BACH2: variants seen among roughly 807,000 people sequenced by gnomAD.
The protein encoded by BACH2 is BACH transcriptional regulator 2, also known as transcription regulator protein BACH2.
BACH2 carries 5 observed loss-of-function variants against 61.8 expected under a neutral mutation model. The observed-to-expected ratio is 0.08, with a 90% CI of 0.04 to 0.17. The LOEUF (loss-of-function observed/expected upper bound fraction) is 0.17, where lower values mean the gene tolerates loss of function less well. BACH2 is among the 10% of genes least tolerant of loss of function. The probability of loss-of-function intolerance (pLI) is 1.00; values close to 1 mark genes in which losing one functional copy is unlikely to be tolerated. For synonymous variants in BACH2, 446 were observed against 440.1 expected, an observed-to-expected ratio of 1.01 and a Z score of -0.17; for missense variants, 824 against 1,091.1, an observed-to-expected ratio of 0.76 and a Z score of 3.45.
At chr6:89,958,140 T>C (rs546934239) in intron 6 of BACH2, among the ~76,000 whole-genome samples, 5 of 152,168 alleles carry the variant, frequency 3.3e-5, no homozygotes, top group African/African-American at 9.7e-5. Context: ...AATTTTTTTG[T>C]TTACTAATTT....
chr6:90,033,032 A>C (rs571267095), intron 5 of BACH2, among the ~76,000 whole-genome samples: 71 of 152,294 alleles, frequency 4.7e-4, no homozygotes, highest in African/African-American at 1.5e-3. Flanking sequence ...CAGCCATAAA[A>C]AATGATGAGT....
At chr6:90,033,221 G>C (rs982004032) in intron 5 of BACH2, among the ~76,000 whole-genome samples, 9 of 150,446 alleles carry the variant, frequency 6.0e-5, no homozygotes, top group Admixed American at 1.3e-4. Flanking sequence ...GAGGAGGGAG[G>C]GGGGAGGAAT....
intron 4 of BACH2, among the ~76,000 whole-genome samples, chr6:90,101,308 C>A (rs1782616584): frequency 6.6e-6 from 1 of 152,210 alleles, no homozygotes; most frequent in African/African-American, 2.4e-5. Context: ...TAAGAATCCA[C>A]TGCCTAACGC....
chr6:90,237,487 G>C (rs1770298313), intron 3 of BACH2, among the ~76,000 whole-genome samples: 2 of 152,086 alleles, frequency 1.3e-5, no homozygotes, highest in African/African-American at 4.8e-5. Context: ...TGTAACCAGA[G>C]AATTCCATGA....
intron 5 of BACH2, among the ~76,000 whole-genome samples, chr6:90,012,473 C>T (rs12192679): frequency 0.032 from 4,784 of 151,158 alleles, 123 homozygotes; most frequent in Non-Finnish European, 0.053. Context: ...CTACTAAAAA[C>T]GCAAAAATTA....
intron 2 of BACH2, among the ~76,000 whole-genome samples, chr6:90,266,383 C>T (rs1248777728): frequency 6.6e-6 from 1 of 152,124 alleles, no homozygotes; most frequent in South Asian, 2.1e-4. Context: ...ACAGAAGATG[C>T]TCCCTGGGAG....
chr6:90,120,361 C>A (rs1783573601), intron 4 of BACH2, among the ~76,000 whole-genome samples: 1 of 152,280 alleles, frequency 6.6e-6, no homozygotes, highest in South Asian at 2.1e-4. Flanking sequence ...GGGCATTTAA[C>A]AATGTGTTAA....
chr6:90,267,039 C>T (rs559583969), intron 2 of BACH2, among the ~76,000 whole-genome samples: 12 of 152,090 alleles, frequency 7.9e-5, no homozygotes, highest in South Asian at 2.1e-4. Context: ...CAAATAGGGA[C>T]GGATTTCCTG....
chr6:90,108,705 A>T (rs766960879), intron 4 of BACH2, among the ~76,000 whole-genome samples: 1 of 152,214 alleles, frequency 6.6e-6, no homozygotes, highest in African/African-American at 2.4e-5. Flanking sequence ...GAGAATGTCT[A>T]TCATTGCTCT....
chr6:90,166,356 T>G (rs1421801076), intron 4 of BACH2, among the ~76,000 whole-genome samples: 1 of 152,092 alleles, frequency 6.6e-6, no homozygotes. Flanking sequence ...CACAATGAGA[T>G]ACCATCTCAC....
chr6:90,081,553 T>A (rs563464391), intron 5 of BACH2, among the ~76,000 whole-genome samples: 38 of 152,202 alleles, frequency 2.5e-4, no homozygotes, highest in African/African-American at 8.4e-4. Context: ...GAAATATTAA[T>A]CCAATATACA....
At chr6:90,103,010 T>TAC (rs1782726764) in intron 4 of BACH2, among the ~76,000 whole-genome samples, 1 of 32,886 alleles carries the variant, frequency 3.0e-5, no homozygotes, top group Non-Finnish European at 6.3e-5. Context: ...ACAATACATA[T>TAC]ATATATATAT....
intron 5 of BACH2, among the ~76,000 whole-genome samples, chr6:90,056,228 T>C (rs1323825304): frequency 6.6e-6 from 1 of 152,036 alleles, no homozygotes; most frequent in Non-Finnish European, 1.5e-5. Flanking sequence ...AGGAAACCCA[T>C]CTCACGTGCA....
intron 8 of BACH2, among the ~76,000 whole-genome samples, chr6:89,936,629 AG>A (rs1311197266): frequency 6.6e-6 from 1 of 152,182 alleles, no homozygotes; most frequent in African/African-American, 2.4e-5. Flanking sequence ...TATCCTACTA[AG>A]AAGCTTGGAC....
chr6:89,991,382 C>A lies in BACH2; in HGVS notation c.243+17220G>T, dbSNP rs12662215. Among the ~76,000 whole-genome samples the A allele has an allele frequency of 3.0e-3, 462 of 152,296 alleles. 17 individuals are homozygous for A. The East Asian group carries it at 0.079, about 26-fold the overall frequency. ...GGTGAATCTGGAATGTCGGGAGGAACTAGACTGTGTTAAATCATTACATTT... is the reference window on the plus strand; with the variant it reads ...GGTGAATCTGGAATGTCGGGAGGAAATAGACTGTGTTAAATCATTACATTT... On this transcript the variant is annotated intron_variant, in intron 6 of 8. Coordinates refer to ENST00000257749, the MANE Select transcript of BACH2 (RefSeq NM_021813.4).
chr6:90,044,521 T>C (rs1056313569), intron 5 of BACH2, among the ~76,000 whole-genome samples: 1 of 152,214 alleles, frequency 6.6e-6, no homozygotes, highest in Non-Finnish European at 1.5e-5. Context: ...AGGCAAGTGA[T>C]AGGATCTGAT....
intron 2 of BACH2, among the ~76,000 whole-genome samples, chr6:90,267,843 T>C (rs1243841933): frequency 1.3e-5 from 2 of 152,142 alleles, no homozygotes; most frequent in Admixed American, 6.5e-5. Flanking sequence ...TATGTTTGTA[T>C]GTATGTATAT....
chr6:90,250,964 G>T (rs966979908), intron 3 of BACH2, among the ~76,000 whole-genome samples: 3 of 152,152 alleles, frequency 2.0e-5, no homozygotes, highest in Non-Finnish European at 4.4e-5. Context: ...GAGGCACAAA[G>T]AGGTTAAACA....
chr6:90,050,749 C>T (rs961037860), intron 5 of BACH2, among the ~76,000 whole-genome samples: 3 of 150,066 alleles, frequency 2.0e-5, no homozygotes, highest in East Asian at 2.0e-4. Flanking sequence ...CCCAAATAAA[C>T]GAAAGCTCTT....
Sources: gnomAD v4.1 joint callset for allele counts (sites outside exome capture counted in the v4.1 genomes callset) on GRCh38, gnomAD v4.1.1 for gene constraint, MANE v1.5 for transcripts, NCBI Gene and HGNC (gene_info 2026-07-23, HGNC 2026-07-21) for gene names.